Variants in ALPK3 observed in about 807,000 individuals in gnomAD.
ALPK3 encodes alpha-protein kinase 3.
ALPK3 carries 102 observed loss-of-function variants against 140.0 expected under a neutral mutation model. The observed-to-expected ratio is 0.73, with a 90% CI of 0.62 to 0.86. The LOEUF (loss-of-function observed/expected upper bound fraction) is 0.86. Ranked by LOEUF, ALPK3 falls within the 40% of genes least tolerant of loss-of-function variation. The probability of loss-of-function intolerance (pLI) is 0.00; values close to 1 mark genes in which losing one functional copy is unlikely to be tolerated. For missense variants in ALPK3, 2,254 were observed against 2,208.2 expected (o/e 1.02, Z -0.42); for synonymous variants, 938 against 898.5 (o/e 1.04, Z -0.79).
chr15:84,835,827 C>T (rs940827262), intron 3 of ALPK3, among the ~76,000 whole-genome samples: 11 of 152,178 alleles, frequency 7.2e-5, no homozygotes, highest in African/African-American at 2.7e-4. Flanking sequence ...CAGCCCTAAG[C>T]ACTTAGTGCA....
intron 3 of ALPK3, among the ~76,000 whole-genome samples, chr15:84,830,929 G>T (rs557172636): frequency 6.6e-6 from 1 of 152,232 alleles, no homozygotes; most frequent in South Asian, 2.1e-4. Context: ...TGCCAGGCTG[G>T]TCTCAAACTC....
rs764746261 is a variant in ALPK3 at position 84,857,939 on chromosome 15, C to T, written c.3201C>T (p.Ser1067=). 3 of 1,609,420 alleles carry T rather than the reference C, an allele frequency of 1.9e-6. No homozygotes were observed. The highest frequency in any genetic ancestry group is 1.7e-5 in the Admixed American group (1 of 59,272). ...GAGGCTCCTGGGGTCCTGGTCCCAGCTCCCTCACTGTCCCTGCCATTGTGG... is the reference window on the plus strand; with the variant it reads ...GAGGCTCCTGGGGTCCTGGTCCCAGTTCCCTCACTGTCCCTGCCATTGTGG... ...AARGSWGPGP[S]SLTVPAIVVD... The change falls in exon 6 of 14, where the codon AGC becomes AGT. Residue 1067 remains serine (S), a synonymous_variant. Transcript: ENST00000258888.
At position 84,840,483 on chromosome 15, in the gene ALPK3, G is replaced by GC; in HGVS notation, c.1208dup (p.Gly404TrpfsTer52). On this transcript the variant is annotated frameshift_variant, in exon 5 of 14. Transcript: ENST00000258888. LOFTEE classifies it high-confidence loss of function. ...GGGCACTCCAGACAAGGCCCAGAAG[G>GC]CCCCTGGCCCAGGCCCAGGCCAGGA... The GC allele has an allele frequency of 6.2e-7, 1 of 1,613,574 alleles. No homozygotes were observed. The highest frequency in any genetic ancestry group is 8.5e-7 in the Non-Finnish European group (1 of 1,179,842).
rs763993857 is a variant in ALPK3 at position 84,864,472 on chromosome 15, T to C, written c.4530T>C (p.Pro1510=). 3 of 1,614,180 alleles carry C rather than the reference T, an allele frequency of 1.9e-6. No homozygotes were observed. The highest frequency in any genetic ancestry group is 2.5e-6 in the Non-Finnish European group (3 of 1,180,036). The part of the protein sequence containing the change: ...EIIPLYLIYR[P]ANNIPYATLE... The stretch of plus-strand genomic sequence containing the variant: ...TCCCACTGTATCTGATCTACCGGCC[T>C]GCAAACAATATCCCATATGCTACCC... Residue 1510 remains proline (P), a synonymous_variant, in exon 12 of 14, where the codon CCT becomes CCC. Transcript: ENST00000258888.
Position 84,840,685 on chromosome 15 carries a change from C to G in ALPK3, c.1406C>G (p.Ser469Cys). 6.2e-7 allele frequency: 1 copy of G among 1,605,398 alleles called. No individual in the cohort carries two copies. Among genetic ancestry groups the G allele is most frequent in the Non-Finnish European group, 8.5e-7 (1 of 1,175,850 alleles). The change falls in exon 5 of 14, where the codon TCC becomes TGC. Residue 469 changes from serine to cysteine, a missense_variant. Physicochemically the swap from Ser to Cys is moderately radical, Grantham distance 112. Transcript: ENST00000258888. Reference sequence around the variant, plus strand: ...GGCGCTCCTGGCCAGCCCACACACTCCTTGACCCCCCAGCCGACTAGGCCT... The same window carrying G: ...GGCGCTCCTGGCCAGCCCACACACTGCTTGACCCCCCAGCCGACTAGGCCT... ...VPGAPGQPTH[S>C]LTPQPTRPFN...
rs765667086 is a variant in ALPK3 at position 84,854,235 on chromosome 15, A to G, written c.1654-2157A>G. ...TTCATCTGTTCACTCAGTTTCTACT[A>G]ATTTTTAATGATGAAAAATGATACA... On this transcript the variant is annotated intron_variant, in intron 5 of 13. Coordinates refer to ENST00000258888, the MANE Select transcript of ALPK3 (RefSeq NM_020778.5). Among the ~76,000 whole-genome samples, 9 of 151,370 alleles carry G rather than the reference A, an allele frequency of 5.9e-5. 1 individual carries two copies. Among genetic ancestry groups the G allele is most frequent in the South Asian group, 2.1e-4 (1 of 4,764 alleles).
chr15:84,859,829 A>G lies in ALPK3; in HGVS notation c.4019A>G (p.Asp1340Gly), dbSNP rs1314276646. The change falls in exon 8 of 14, where the codon GAC becomes GGC. Residue 1340 changes from aspartate (D) to glycine (G), a missense_variant. Physicochemically the swap from Asp to Gly is moderately conservative, Grantham distance 94 (BLOSUM62 -1). This residue lies in a region of ALPK3 where 2,088 missense variants were observed against 2,022.9 expected (regional missense o/e 1.03). Coordinates refer to ENST00000258888, the MANE Select transcript of ALPK3 (RefSeq NM_020778.5). ...ALAIVQASPV[D>G]CGVYRCTIHN... ...GCCATCGTGCAGGCCTCCCCCGTAGACTGCGGTGTGTATCGGTGCACCATC... is the reference window on the plus strand; with the variant it reads ...GCCATCGTGCAGGCCTCCCCCGTAGGCTGCGGTGTGTATCGGTGCACCATC... 4 of 1,613,980 alleles carry G rather than the reference A, an allele frequency of 2.5e-6. No individual in the cohort carries two copies. The South Asian group carries it at 4.4e-5, about 18-fold the overall frequency.
rs370724074 is a variant in ALPK3 at position 84,827,818 on chromosome 15, C to T, written c.304+213C>T. ...TCTGGAGCCACATATATACCCTACT[C>T]TTCTTCAGAACCTGTCCTCAGTGAA... is the stretch of plus-strand genomic sequence containing the variant. On this transcript the variant is annotated intron_variant, in intron 3 of 13. Coordinates refer to ENST00000258888, the MANE Select transcript of ALPK3 (RefSeq NM_020778.5). Among the ~76,000 whole-genome samples, 13 of 152,364 alleles carry T rather than the reference C, an allele frequency of 8.5e-5. No homozygotes were observed. In the South Asian group the frequency reaches 2.1e-3, roughly 24 times the overall value.
chr15:84,865,588 G>C (rs747146530), intron 12 of ALPK3, among the ~76,000 whole-genome samples: 2 of 152,166 alleles, frequency 1.3e-5, no homozygotes, highest in African/African-American at 2.4e-5. Context: ...AGTTGAATTA[G>C]GAATGTCATC....
At chr15:84,865,644 G>A (rs986977291) in intron 12 of ALPK3, among the ~76,000 whole-genome samples, 2 of 152,208 alleles carry the variant, frequency 1.3e-5, no homozygotes, top group African/African-American at 2.4e-5. Flanking sequence ...ACTGTGAGAC[G>A]ATAACGTGGC....
At chr15:84,824,102 A>AT (rs1461632933) in intron 2 of ALPK3, among the ~76,000 whole-genome samples, 8 of 151,858 alleles carry the variant, frequency 5.3e-5, no homozygotes, top group East Asian at 1.9e-4. Flanking sequence ...GCCTTTTAAA[A>AT]TTTTTTTCTG....
chr15:84,868,830 A>T lies in ALPK3; in HGVS notation c.*374A>T. 4.1e-6 allele frequency: 1 copy of T among 244,970 alleles called. No homozygotes were observed. Among genetic ancestry groups the T allele is most frequent in the Non-Finnish European group, 8.0e-6 (1 of 125,016 alleles). 15.2% of individuals were successfully genotyped at this position (244,970 alleles called of 1,614,324 possible). On this transcript the variant is annotated 3_prime_UTR_variant, in exon 14 of 14. Coordinates refer to ENST00000258888, the MANE Select transcript of ALPK3 (RefSeq NM_020778.5). Reference sequence around the variant, plus strand: ...TTGCCCCAGCCCAGTCCAGCAGCAGATGTTACAATCTGAGTGAGGACATGC... The same window carrying T: ...TTGCCCCAGCCCAGTCCAGCAGCAGTTGTTACAATCTGAGTGAGGACATGC...
At chr15:84,855,722 A>G (rs1212553765) in intron 5 of ALPK3, among the ~76,000 whole-genome samples, 1 of 152,208 alleles carries the variant, frequency 6.6e-6, no homozygotes, top group Non-Finnish European at 1.5e-5. Context: ...TGATTCTCCT[A>G]AGTATTCATA....
intron 5 of ALPK3, among the ~76,000 whole-genome samples, chr15:84,845,531 C>A (rs1020343904): frequency 4.6e-5 from 7 of 152,140 alleles, no homozygotes; most frequent in African/African-American, 1.7e-4. Flanking sequence ...AAGGGAAAAG[C>A]TTGGGAAAAT....
intron 6 of ALPK3, among the ~76,000 whole-genome samples, chr15:84,858,888 C>T (rs1440269962): frequency 6.6e-6 from 1 of 152,174 alleles, no homozygotes; most frequent in Non-Finnish European, 1.5e-5. Context: ...ACAGAGATGT[C>T]GCATGATTAC....
chr15:84,853,709 TGATCTTGCC>T (rs1279066233), intron 5 of ALPK3, among the ~76,000 whole-genome samples: 1 of 151,738 alleles, frequency 6.6e-6, no homozygotes, highest in African/African-American at 2.4e-5. Context: ...GTTGAGGCTA[TGATCTTGCC>T]TATAAATAGC....
In ALPK3 at chr15:84,872,600, A is replaced by G. The variant is rs1227551889; in HGVS notation, c.*4144A>G. ...TTCGACATACAGTCATTTGTCCTACATTGTGAAGGAAACATTCTGACCTCA... is the reference window on the plus strand; with the variant it reads ...TTCGACATACAGTCATTTGTCCTACGTTGTGAAGGAAACATTCTGACCTCA... On this transcript the variant is annotated 3_prime_UTR_variant, in exon 14 of 14. Transcript: ENST00000258888. 6.6e-6 allele frequency: 1 copy of G among 152,244 alleles called. No individual in the cohort carries two copies. The highest frequency in any genetic ancestry group is 1.5e-5 in the Non-Finnish European group (1 of 68,050). The allele number at this position is 152,244 out of a possible 1,614,324, so 9.4% of individuals were successfully genotyped here. A position where few individuals can be genotyped will look rare whatever the true frequency, so the allele number is the denominator to read the frequency against.
chr15:84,820,846 A>G (rs898292588), intron 1 of ALPK3, among the ~76,000 whole-genome samples: 1 of 150,648 alleles, frequency 6.6e-6, no homozygotes, highest in African/African-American at 2.4e-5. Flanking sequence ...TTGATCTTGA[A>G]CTCCTGGGCT....
intron 12 of ALPK3, among the ~76,000 whole-genome samples, chr15:84,864,909 A>AT (rs1963986976): frequency 6.6e-6 from 1 of 152,218 alleles, no homozygotes; most frequent in Admixed American, 6.5e-5. Flanking sequence ...TCCAGGCTCA[A>AT]TTAAAAGTAA....
Sources: gnomAD v4.1 joint callset for allele counts (sites outside exome capture counted in the v4.1 genomes callset) on GRCh38, gnomAD v4.1.1 for gene constraint, gnomAD v4.1.1 regional missense constraint, MANE v1.5 for transcripts, NCBI Gene and HGNC (gene_info 2026-07-23, HGNC 2026-07-21) for gene names.